Variants in PLLP observed in about 807,000 individuals in gnomAD.
The protein encoded by PLLP is plasma membrane proteolipid (plasmolipin).
In PLLP, 15 loss-of-function variants were observed where a neutral mutation model predicts 19.7. The ratio of observed to expected loss-of-function variants is 0.76; its 90% CI spans 0.51 to 1.17. The LOEUF (loss-of-function observed/expected upper bound fraction) is 1.17, where lower values mean the gene tolerates loss of function less well. Among genes scored for constraint, PLLP ranks in the 50% most tolerant of loss-of-function variants. PLLP has a pLI of 0.00. For missense variants in PLLP, 255 were observed against 258.3 expected, an observed-to-expected ratio of 0.99 and a Z score of 0.09; for synonymous variants, 111 against 116.3, an observed-to-expected ratio of 0.95 and a Z score of 0.29.
In PLLP at chr16:57,281,313, C is replaced by A. The variant is rs936769900; in HGVS notation, c.135+3093G>T. On this transcript the variant is annotated intron_variant, in intron 1 of 3. Transcript: ENST00000219207. ...TCAGTTTTCTCACCTAAAATGGGGC[C>A]GACTAAGAAGATCTAAAGGCCTTGG... Among the ~76,000 whole-genome samples, 6 of 152,118 alleles carry A rather than the reference C, an allele frequency of 3.9e-5. No homozygotes were observed. The East Asian group carries it at 1.2e-3, about 30-fold the overall frequency.
chr16:57,283,741 T>G (rs951589731), intron 1 of PLLP, among the ~76,000 whole-genome samples: 1 of 152,062 alleles, frequency 6.6e-6, no homozygotes, highest in African/African-American at 2.4e-5. Flanking sequence ...TCCAGCGATA[T>G]CTCGGTCCCG....
chr16:57,283,554 G>A (rs1406809361), intron 1 of PLLP, among the ~76,000 whole-genome samples: 1 of 152,144 alleles, frequency 6.6e-6, no homozygotes, highest in Non-Finnish European at 1.5e-5. Flanking sequence ...ACCCACCCAG[G>A]GCACCCACCC....
At chr16:57,280,263 T>G (rs191063300) in intron 1 of PLLP, among the ~76,000 whole-genome samples, 1 of 152,218 alleles carries the variant, frequency 6.6e-6, no homozygotes, top group Admixed American at 6.5e-5. Context: ...CTGTGTGACC[T>G]TGGACAAGTT....
In PLLP at chr16:57,269,061, C is replaced by T. The variant is rs115289156; in HGVS notation, c.136-6991G>A. Among the ~76,000 whole-genome samples, 425 of 152,312 alleles carry T rather than the reference C, an allele frequency of 2.8e-3. 1 individual carries two copies. Among genetic ancestry groups the T allele is most frequent in the African/African-American group, 9.6e-3 (399 of 41,576 alleles). On this transcript the variant is annotated intron_variant, in intron 1 of 3. Transcript: ENST00000219207. The stretch of plus-strand genomic sequence containing the variant: ...GGAGGCCCCAGAAATCCAGCCCAGC[C>T]CTCAGATCTCCCTTGGAGCTGCACT...
At chr16:57,277,889 C>A (rs1384725350) in intron 1 of PLLP, among the ~76,000 whole-genome samples, 1 of 152,160 alleles carries the variant, frequency 6.6e-6, no homozygotes, top group Non-Finnish European at 1.5e-5. Context: ...CTTGATTACC[C>A]TTTCTACTAT....
intron 1 of PLLP, among the ~76,000 whole-genome samples, chr16:57,276,527 G>A (rs1451926058): frequency 1.3e-5 from 2 of 151,404 alleles, no homozygotes; most frequent in Non-Finnish European, 2.9e-5. Context: ...AGGAGGCAGA[G>A]GTTGCAGTGA....
intron 2 of PLLP, among the ~76,000 whole-genome samples, chr16:57,259,743 G>A (rs1050462930): frequency 1.3e-5 from 2 of 152,096 alleles, no homozygotes; most frequent in East Asian, 1.9e-4. Context: ...TTGGGATGCC[G>A]AGGCAGGCAG....
intron 1 of PLLP, among the ~76,000 whole-genome samples, chr16:57,268,487 GGTTTT>G (rs1422326549): frequency 3.3e-5 from 5 of 152,076 alleles, no homozygotes; most frequent in South Asian, 2.1e-4. Flanking sequence ...CCCCTAGGGT[GGTTTT>G]GTTTTGTTTT....
intron 1 of PLLP, among the ~76,000 whole-genome samples, chr16:57,283,696 G>C (rs1251784507): frequency 1.3e-5 from 2 of 152,190 alleles, no homozygotes; most frequent in African/African-American, 4.8e-5. Flanking sequence ...GGAGAGAGTA[G>C]GAGTCTTGCC....
At chr16:57,260,779 G>A (rs2075439600) in intron 2 of PLLP, among the ~76,000 whole-genome samples, 1 of 152,172 alleles carries the variant, frequency 6.6e-6, no homozygotes, top group Non-Finnish European at 1.5e-5. Context: ...AGACTGTCCT[G>A]GGGCAAACCT....
chr16:57,265,014 G>A (rs74813334), intron 1 of PLLP, among the ~76,000 whole-genome samples: 9 of 152,202 alleles, frequency 5.9e-5, no homozygotes, highest in East Asian at 1.9e-4. Flanking sequence ...AAGGTGTCCC[G>A]CTCTCCAGGG....
At chr16:57,273,104 C>T (rs1379322961) in intron 1 of PLLP, among the ~76,000 whole-genome samples, 3 of 151,118 alleles carry the variant, frequency 2.0e-5, no homozygotes, top group Non-Finnish European at 4.4e-5. Context: ...TAAAAAAATA[C>T]AAAAAATTAG....
At chr16:57,274,430 G>A (rs770688308) in intron 1 of PLLP, among the ~76,000 whole-genome samples, 34 of 152,204 alleles carry the variant, frequency 2.2e-4, no homozygotes, top group Non-Finnish European at 3.5e-4. Context: ...CTCAACTTCT[G>A]GAGGCAACCA....
chr16:57,275,098 C>A (rs1188910869), intron 1 of PLLP, among the ~76,000 whole-genome samples: 1 of 107,940 alleles, frequency 9.3e-6, no homozygotes, highest in Non-Finnish European at 2.1e-5. Context: ...GGACTTCACA[C>A]ACACACACAC....
chr16:57,274,357 G>A (rs549265269), intron 1 of PLLP, among the ~76,000 whole-genome samples: 6 of 152,268 alleles, frequency 3.9e-5, no homozygotes, highest in East Asian at 1.9e-4. Context: ...TTTGAAAGAT[G>A]TAATATATAT....
At chr16:57,259,665 T>A (rs866913110) in intron 2 of PLLP, among the ~76,000 whole-genome samples, 2 of 152,180 alleles carry the variant, frequency 1.3e-5, no homozygotes, top group East Asian at 3.8e-4. Flanking sequence ...GAAGACTTCA[T>A]GTAAAAATTT....
intron 1 of PLLP, among the ~76,000 whole-genome samples, chr16:57,275,313 A>G (rs925531657): frequency 3.3e-5 from 5 of 152,138 alleles, no homozygotes; most frequent in Non-Finnish European, 5.9e-5. Flanking sequence ...TCACTGCATC[A>G]TGCACCATTG....
intron 1 of PLLP, among the ~76,000 whole-genome samples, chr16:57,283,030 T>C (rs1269978961): frequency 2.0e-5 from 3 of 151,988 alleles, no homozygotes. Flanking sequence ...GCTCTCCCCA[T>C]CTGCAGAATT....
Position 57,284,444 on chromosome 16 carries a change from C to A in PLLP, c.97G>T (p.Val33Leu). 2.8e-6 allele frequency: 4 copies of A among 1,404,112 alleles called. No individual in the cohort carries two copies. Among genetic ancestry groups the A allele is most frequent in the Non-Finnish European group, 3.7e-6 (4 of 1,075,774 alleles). The allele number at this position is 1,404,112 out of a possible 1,614,324, so 87.0% of individuals were successfully genotyped here. Residue 33 changes from valine to leucine, a missense_variant, in exon 1 of 4, where the codon GTG becomes TTG. Coordinates refer to ENST00000219207, the MANE Select transcript of PLLP (RefSeq NM_015993.3). ...ATGAGCGCCCCGAGGCGGGAGCGCACGAAGCCCAGGTCCGGGCGCAGCGCC... is the reference window on the plus strand; with the variant it reads ...ATGAGCGCCCCGAGGCGGGAGCGCAAGAAGCCCAGGTCCGGGCGCAGCGCC... ...VSALRPDLGFVRSRLGALMLL... is the reference protein window; with the variant it reads ...VSALRPDLGFLRSRLGALMLL...
Sources: gnomAD v4.1 joint callset for allele counts (sites outside exome capture counted in the v4.1 genomes callset) on GRCh38, gnomAD v4.1.1 for gene constraint, MANE v1.5 for transcripts, NCBI Gene and HGNC (gene_info 2026-07-23, HGNC 2026-07-21) for gene names.